Variants in ABHD17C observed in about 807,000 individuals in gnomAD.
ABHD17C encodes alpha/beta hydrolase domain-containing protein 17C.
ABHD17C carries 11 observed loss-of-function variants against 27.9 expected under a neutral mutation model. That is an observed-to-expected ratio of 0.39 (90% CI 0.25 to 0.65). The LOEUF (loss-of-function observed/expected upper bound fraction) is 0.65. ABHD17C is among the 30% of genes least tolerant of loss of function. ABHD17C has a pLI of 0.45. For missense variants in ABHD17C, 280 were observed against 470.2 expected (o/e 0.60, Z 3.74); for synonymous variants, 233 against 209.1 (o/e 1.11, Z -0.98).
chr15:80,752,184 T>C (rs1047795766), intron 2 of ABHD17C, among the ~76,000 whole-genome samples: 7 of 152,230 alleles, frequency 4.6e-5, no homozygotes, highest in African/African-American at 1.7e-4. Context: ...AGTAAATATC[T>C]TTTTAATTGT....
intron 1 of ABHD17C, among the ~76,000 whole-genome samples, chr15:80,702,013 C>T (rs1230035336): frequency 6.6e-6 from 1 of 152,164 alleles, no homozygotes; most frequent in Non-Finnish European, 1.5e-5. Flanking sequence ...CCTCTTGCCA[C>T]AATTTACTTA....
intron 1 of ABHD17C, among the ~76,000 whole-genome samples, chr15:80,702,383 G>C (rs1215746571): frequency 1.3e-5 from 2 of 152,108 alleles, no homozygotes; most frequent in South Asian, 4.2e-4. Flanking sequence ...TAGTCTCTGA[G>C]CCCAGGAGTT....
intron 1 of ABHD17C, among the ~76,000 whole-genome samples, chr15:80,719,325 A>T (rs1894855979): frequency 6.6e-6 from 1 of 152,080 alleles, no homozygotes; most frequent in Non-Finnish European, 1.5e-5. Flanking sequence ...TTTTATAGTT[A>T]TTTTTGGTTC....
At chr15:80,727,940 T>C (rs1352605162) in intron 1 of ABHD17C, among the ~76,000 whole-genome samples, 1 of 152,108 alleles carries the variant, frequency 6.6e-6, no homozygotes, top group East Asian at 1.9e-4. Flanking sequence ...GCAGCCGTCA[T>C]TGGTGGCTCC....
intron 1 of ABHD17C, among the ~76,000 whole-genome samples, chr15:80,732,351 T>TGC (rs1242641027): frequency 6.6e-6 from 1 of 152,238 alleles, no homozygotes; most frequent in Non-Finnish European, 1.5e-5. Context: ...CTTCTCCACG[T>TGC]TTAGTCCATA....
At chr15:80,707,564 C>A (rs531941219) in intron 1 of ABHD17C, among the ~76,000 whole-genome samples, 1 of 151,016 alleles carries the variant, frequency 6.6e-6, no homozygotes, top group African/African-American at 2.5e-5. Flanking sequence ...GCTGATGAGC[C>A]CCCCCTCAAA....
chr15:80,714,187 C>T (rs1266004958), intron 1 of ABHD17C, among the ~76,000 whole-genome samples: 1 of 152,132 alleles, frequency 6.6e-6, no homozygotes, highest in South Asian at 2.1e-4. Context: ...AATTTCTGGG[C>T]TCGAGCAGTC....
At chr15:80,723,136 A>ATGTGTGTGTG (rs1323977699) in intron 1 of ABHD17C, among the ~76,000 whole-genome samples, 109 of 92,512 alleles carry the variant, frequency 1.2e-3, no homozygotes, top group African/African-American at 3.0e-3. Flanking sequence ...GTGTGTGTAT[A>ATGTGTGTGTG]TATGTGTGTG....
In ABHD17C at chr15:80,705,004, T is replaced by A. The variant is rs577056121; in HGVS notation, c.590+8985T>A. ...GCTGACACACCATCCACCGTTGGGC[T>A]ATGGGACTGCTGATGAGAAGTGATC... On this transcript the variant is annotated intron_variant, in intron 1 of 2. Transcript: ENST00000258884. 3.9e-5 allele frequency: 6 copies of A among 152,492 alleles called. No individual in the cohort carries two copies. The South Asian group carries it at 1.2e-3, about 32-fold the overall frequency. 9.4% of individuals were successfully genotyped at this position (152,492 alleles called of 1,614,324 possible). A position where few individuals can be genotyped will look rare whatever the true frequency, so the allele number is the denominator to read the frequency against.
At chr15:80,744,664 G>A (rs771354289) in intron 1 of ABHD17C, among the ~76,000 whole-genome samples, 1 of 152,164 alleles carries the variant, frequency 6.6e-6, no homozygotes, top group Non-Finnish European at 1.5e-5. Flanking sequence ...AAGGACTAGC[G>A]ATACTGCTTC....
chr15:80,746,282 G>A (rs1376947667), intron 1 of ABHD17C, among the ~76,000 whole-genome samples: 1 of 150,004 alleles, frequency 6.7e-6, no homozygotes, highest in Non-Finnish European at 1.5e-5. Context: ...TTCTTGTTTA[G>A]TCAGTTGTCT....
At chr15:80,716,618 A>C (rs999204869) in intron 1 of ABHD17C, among the ~76,000 whole-genome samples, 19 of 152,184 alleles carry the variant, frequency 1.2e-4, no homozygotes, top group African/African-American at 4.6e-4. Context: ...CTCGGTTGTC[A>C]TTCCACTTTA....
chr15:80,741,837 T>G (rs1895215848), intron 1 of ABHD17C, among the ~76,000 whole-genome samples: 1 of 152,152 alleles, frequency 6.6e-6, no homozygotes, highest in South Asian at 2.1e-4. Flanking sequence ...GGAGCCCCCG[T>G]GAAGTAAAAT....
chr15:80,700,014 C>T (rs4778618), intron 1 of ABHD17C, among the ~76,000 whole-genome samples: 32,146 of 152,174 alleles, frequency 0.21, 3,621 homozygotes, highest in South Asian at 0.31. Flanking sequence ...GTGGAAAAGA[C>T]ACTGAAAATC....
At chr15:80,750,272 A>G (rs577666988) in intron 2 of ABHD17C, among the ~76,000 whole-genome samples, 54 of 152,352 alleles carry the variant, frequency 3.5e-4, no homozygotes, top group Non-Finnish European at 7.2e-4. Flanking sequence ...CAGGAATGGT[A>G]TAAATGAACA....
intron 1 of ABHD17C, among the ~76,000 whole-genome samples, chr15:80,723,609 T>G (rs1894928816): frequency 6.6e-6 from 1 of 152,242 alleles, no homozygotes; most frequent in Non-Finnish European, 1.5e-5. Flanking sequence ...TAAATGACTC[T>G]TAATAGATAG....
chr15:80,724,020 T>A (rs773211062), intron 1 of ABHD17C, among the ~76,000 whole-genome samples: 1 of 151,970 alleles, frequency 6.6e-6, no homozygotes, highest in Admixed American at 6.6e-5. Flanking sequence ...CTGGCCAACA[T>A]GGTGAAACCC....
intron 1 of ABHD17C, among the ~76,000 whole-genome samples, chr15:80,706,833 G>A (rs897952483): frequency 9.9e-5 from 15 of 152,050 alleles, no homozygotes; most frequent in African/African-American, 3.6e-4. Context: ...ATAACTCAAG[G>A]GTATTTCAGT....
At chr15:80,705,863 T>C (rs1894640633) in intron 1 of ABHD17C, among the ~76,000 whole-genome samples, 1 of 152,190 alleles carries the variant, frequency 6.6e-6, no homozygotes, top group Admixed American at 6.5e-5. Context: ...CCTAGGTGTT[T>C]ATATGCCCAA....
Sources: gnomAD v4.1 joint callset for allele counts (sites outside exome capture counted in the v4.1 genomes callset) on GRCh38, gnomAD v4.1.1 for gene constraint, MANE v1.5 for transcripts, NCBI Gene and HGNC (gene_info 2026-07-23, HGNC 2026-07-21) for gene names.